SUMO3: variants seen among roughly 807,000 people sequenced by gnomAD.
SUMO3 encodes small ubiquitin-related modifier 3.
A neutral mutation model predicts 11.1 loss-of-function variants in SUMO3; 2 were observed. The observed-to-expected ratio is 0.18, with a 90% CI of 0.07 to 0.57. SUMO3 has a LOEUF of 0.57. SUMO3 is among the 20% of genes least tolerant of loss of function. The probability of loss-of-function intolerance (pLI) is 0.92; values close to 1 mark genes in which losing one functional copy is unlikely to be tolerated. For synonymous variants in SUMO3, 56 were observed against 53.5 expected (o/e 1.05, Z -0.20); for missense variants, 70 against 132.8 (o/e 0.53, Z 2.32).
At chr21:44,813,358 C>G (rs976524356) in intron 2 of SUMO3, among the ~76,000 whole-genome samples, 2 of 151,014 alleles carry the variant, frequency 1.3e-5, no homozygotes, top group East Asian at 3.9e-4. Context: ...CAGGGTGAGT[C>G]CGCCACAGCG....
Position 44,807,171 on chromosome 21 carries a change from C to T in SUMO3, c.223-131G>A. On this transcript the variant is annotated intron_variant, in intron 3 of 3. Transcript: ENST00000332859. This position sits in a 1 kb window ranked among gnomAD's most constrained non-coding sequence, Gnocchi z 4.3. ...GACATCACCTGGTCACACCTTGGCT[C>T]TTGTCCGTCCCCTCACTGCAGCTCA... 8.9e-7 allele frequency: 1 copy of T among 1,117,342 alleles called. No individual in the cohort carries two copies. The highest frequency in any genetic ancestry group is 1.5e-5 in the South Asian group (1 of 66,150). The allele number at this position is 1,117,342 out of a possible 1,614,324, so 69.2% of individuals were successfully genotyped here.
intron 1 of SUMO3, among the ~76,000 whole-genome samples, chr21:44,815,145 C>T (rs762826588): frequency 2.6e-5 from 4 of 152,244 alleles, no homozygotes; most frequent in Non-Finnish European, 5.9e-5. Flanking sequence ...CACGCCTGTT[C>T]TCTCCACTTC....
At position 44,813,006 on chromosome 21, in the gene SUMO3, A is replaced by C. The variant is rs117721463; in HGVS notation, c.150+970T>G. Reference sequence around the variant, plus strand: ...AGTCTCACCTTTCGCAGGTGAAAATAAGATCTGCCCTCAGCAAACACAAAG... The same window carrying C: ...AGTCTCACCTTTCGCAGGTGAAAATCAGATCTGCCCTCAGCAAACACAAAG... On this transcript the variant is annotated intron_variant, in intron 2 of 3. Coordinates refer to ENST00000332859, the MANE Select transcript of SUMO3 (RefSeq NM_006936.3). 7.7e-3 allele frequency among the ~76,000 whole-genome samples: 1,168 copies of C among 152,328 alleles called. 6 individuals are homozygous for C. Among genetic ancestry groups the C allele is most frequent in the Middle Eastern group, 0.02 (6 of 294 alleles).
chr21:44,806,795 A>G lies in SUMO3; in HGVS notation c.*156T>C. 7.0e-7 allele frequency: 1 copy of G among 1,431,400 alleles called. No homozygotes were observed. The highest frequency in any genetic ancestry group is 9.2e-7 in the Non-Finnish European group (1 of 1,086,654). 88.7% of individuals were successfully genotyped at this position (1,431,400 alleles called of 1,614,324 possible). A position where few individuals can be genotyped will look rare whatever the true frequency, so the allele number is the denominator to read the frequency against. On this transcript the variant is annotated 3_prime_UTR_variant, in exon 4 of 4. Coordinates refer to ENST00000332859, the MANE Select transcript of SUMO3 (RefSeq NM_006936.3). The stretch of plus-strand genomic sequence containing the variant: ...AAGTTACAGATTCATCCCTGCAGAT[A>G]TAGTTTTGAGTTGCACTTGAAGTAC...
rs1405211532 is a variant in SUMO3 at position 44,806,191 on chromosome 21, G to C, written c.*760C>G. 2.6e-5 allele frequency: 4 copies of C among 152,050 alleles called. No homozygotes were observed. Among genetic ancestry groups the C allele is most frequent in the Non-Finnish European group, 5.9e-5 (4 of 68,006 alleles). 9.4% of individuals were successfully genotyped at this position (152,050 alleles called of 1,614,324 possible). A position where few individuals can be genotyped will look rare whatever the true frequency, so the allele number is the denominator to read the frequency against. ...TGTGGGAATTTCTTCAATATTAAGA[G>C]GGAGAAAAAGGCCAATTTTGGTTGT... On this transcript the variant is annotated 3_prime_UTR_variant, in exon 4 of 4. Transcript: ENST00000332859.
chr21:44,809,222 G>T, intron 2 of SUMO3, 104 bp from the exon 3 acceptor site: 1 of 1,113,602 alleles, frequency 9.0e-7, no homozygotes, highest in Non-Finnish European at 1.3e-6. Context: ...AAAAGCAGTG[G>T]CCATTAAACA....
intron 1 of SUMO3, among the ~76,000 whole-genome samples, chr21:44,815,952 G>C (rs1323761853): frequency 6.6e-6 from 1 of 152,212 alleles, no homozygotes; most frequent in African/African-American, 2.4e-5. Flanking sequence ...TCTCCTGCCT[G>C]ACCTAAAAGC....
At chr21:44,817,246 G>C (rs976979321) in intron 1 of SUMO3, among the ~76,000 whole-genome samples, 10 of 149,566 alleles carry the variant, frequency 6.7e-5, no homozygotes, top group African/African-American at 2.5e-4. Context: ...GATGGAGGCG[G>C]TGGGTGCACA....
chr21:44,811,790 C>G lies in SUMO3; in HGVS notation c.150+2186G>C, dbSNP rs1008066981. ...AATTTAAAATATCTAGGACAATGAG[C>G]AGCAGGAGGAACAGGAACTCCAAAA... On this transcript the variant is annotated intron_variant, in intron 2 of 3. Transcript: ENST00000332859. The surrounding 1 kb of genome is among the most constrained non-coding windows in gnomAD (Gnocchi z 5.0). Among the ~76,000 whole-genome samples the G allele has an allele frequency of 6.6e-6, 1 of 152,086 alleles. No homozygotes were observed. Among genetic ancestry groups the G allele is most frequent in the Non-Finnish European group, 1.5e-5 (1 of 68,028 alleles).
intron 1 of SUMO3, among the ~76,000 whole-genome samples, chr21:44,815,727 C>T (rs548141340): frequency 1.9e-4 from 29 of 151,834 alleles, no homozygotes; most frequent in African/African-American, 6.8e-4. Context: ...GCTGCAGCCC[C>T]GGGGGGAATG....
chr21:44,806,716 A>G lies in SUMO3; in HGVS notation c.*235T>C. 1 of 1,112,238 alleles carries G rather than the reference A, an allele frequency of 9.0e-7. No individual in the cohort carries two copies. The highest frequency in any genetic ancestry group is 1.2e-6 in the Non-Finnish European group (1 of 826,038). 68.9% of individuals were successfully genotyped at this position (1,112,238 alleles called of 1,614,324 possible). A position where few individuals can be genotyped will look rare whatever the true frequency, so the allele number is the denominator to read the frequency against. On this transcript the variant is annotated 3_prime_UTR_variant, in exon 4 of 4. Coordinates refer to ENST00000332859, the MANE Select transcript of SUMO3 (RefSeq NM_006936.3). ...ATGAGCACACAAAAGTACCCACAAT[A>G]TCTTGCAACTCATTTTACCTGAACA...
intron 1 of SUMO3, among the ~76,000 whole-genome samples, chr21:44,816,272 G>GT (rs2083243423): frequency 6.6e-6 from 1 of 152,210 alleles, no homozygotes; most frequent in Non-Finnish European, 1.5e-5. Flanking sequence ...ATTTGACCTA[G>GT]TTTTAACAAG....
Position 44,811,685 on chromosome 21 carries a change from A to G in SUMO3, c.150+2291T>C, listed in dbSNP as rs151125447. Among the ~76,000 whole-genome samples, 574 of 152,348 alleles carry G rather than the reference A, an allele frequency of 3.8e-3. 3 individuals are homozygous for G. Among genetic ancestry groups the G allele is most frequent in the Non-Finnish European group, 4.9e-3 (334 of 68,036 alleles). The stretch of plus-strand genomic sequence containing the variant: ...ATGAGAATGTCCACAGGAAGTGGAA[A>G]GATAAAGTTGAAATGACCTCCCGGA... On this transcript the variant is annotated intron_variant, in intron 2 of 3. Coordinates refer to ENST00000332859, the MANE Select transcript of SUMO3 (RefSeq NM_006936.3). The surrounding 1 kb of genome is among the most constrained non-coding windows in gnomAD (Gnocchi z 5.0).
chr21:44,816,695 G>A (rs1368103119), intron 1 of SUMO3, among the ~76,000 whole-genome samples: 1 of 152,114 alleles, frequency 6.6e-6, no homozygotes, highest in Non-Finnish European at 1.5e-5. Context: ...GAGAAGGAAT[G>A]GCCAGTGCAC....
In SUMO3 at chr21:44,810,480, C is replaced by T. The variant is rs1462746449; in HGVS notation, c.151-1362G>A. Among the ~76,000 whole-genome samples, 2 of 145,718 alleles carry T rather than the reference C, an allele frequency of 1.4e-5. No individual in the cohort carries two copies. The highest frequency in any genetic ancestry group is 3.0e-5 in the Non-Finnish European group (2 of 67,608). ...AGGCAGGACCCCCACAACCCTGTGC[C>T]TCCCACGGCAGCACACATGAGATGT... On this transcript the variant is annotated intron_variant, in intron 2 of 3. Transcript: ENST00000332859. This position sits in a 1 kb window ranked among gnomAD's most constrained non-coding sequence, Gnocchi z 4.1.
chr21:44,809,030 C>A lies in SUMO3; in HGVS notation c.222+17G>T, dbSNP rs564735586. Reference sequence around the variant, plus strand: ...AATCGGAAGTCGCCCTGGAACCACGCGAAGCCAGCTCCGTACCTGTGCTGG... The same window carrying A: ...AATCGGAAGTCGCCCTGGAACCACGAGAAGCCAGCTCCGTACCTGTGCTGG... On this transcript the variant is annotated intron_variant, in intron 3 of 3. Coordinates refer to ENST00000332859, the MANE Select transcript of SUMO3 (RefSeq NM_006936.3). The A allele has an allele frequency of 6.2e-7, 1 of 1,613,230 alleles. No individual in the cohort carries two copies. The highest frequency in any genetic ancestry group is 8.5e-7 in the Non-Finnish European group (1 of 1,179,154).
At chr21:44,809,666 G>A (rs186325194) in intron 2 of SUMO3, among the ~76,000 whole-genome samples, 1 of 152,318 alleles carries the variant, frequency 6.6e-6, no homozygotes, top group East Asian at 1.9e-4. Flanking sequence ...TCACAGTGAC[G>A]CTAGCTCAGA....
chr21:44,812,959 G>A (rs1344744990), intron 2 of SUMO3, among the ~76,000 whole-genome samples: 1 of 152,238 alleles, frequency 6.6e-6, no homozygotes, highest in Non-Finnish European at 1.5e-5. Context: ...GGGAAGACCG[G>A]GACCTGCGTG....
chr21:44,809,028 C>T lies in SUMO3; in HGVS notation c.222+19G>A, dbSNP rs372856053. On this transcript the variant is annotated intron_variant, in intron 3 of 3. Transcript: ENST00000332859. The stretch of plus-strand genomic sequence containing the variant: ...CAAATCGGAAGTCGCCCTGGAACCA[C>T]GCGAAGCCAGCTCCGTACCTGTGCT... 4.3e-6 allele frequency: 7 copies of T among 1,612,814 alleles called. No individual in the cohort carries two copies. In the South Asian group the frequency reaches 5.5e-5, roughly 13 times the overall value.
Sources: gnomAD v4.1 joint callset for allele counts (sites outside exome capture counted in the v4.1 genomes callset) on GRCh38, gnomAD v4.1.1 for gene constraint, Gnocchi (gnomAD v3.1) non-coding constraint, MANE v1.5 for transcripts, NCBI Gene and HGNC (gene_info 2026-07-23, HGNC 2026-07-21) for gene names.